Variants in PTPN23 observed in about 807,000 individuals in gnomAD.
The protein encoded by PTPN23 is protein tyrosine phosphatase non-receptor type 23, also known as tyrosine-protein phosphatase non-receptor type 23.
A neutral mutation model predicts 156.3 loss-of-function variants in PTPN23; 72 were observed. That is an observed-to-expected ratio of 0.46 (90% CI 0.38 to 0.56). The LOEUF (loss-of-function observed/expected upper bound fraction) is 0.56, where lower values mean the gene tolerates loss of function less well. PTPN23 is among the 20% of genes least tolerant of loss of function. The probability of loss-of-function intolerance (pLI) is 0.00; values close to 1 mark genes in which losing one functional copy is unlikely to be tolerated. For missense variants in PTPN23, 1,974 were observed against 2,171.5 expected (o/e 0.91, Z 1.81); for synonymous variants, 957 against 899.6 (o/e 1.06, Z -1.14).
chr3:47,400,839 G>A (rs560755639), intron 2 of PTPN23, among the ~76,000 whole-genome samples: 326 of 152,238 alleles, frequency 2.1e-3, no homozygotes, highest in African/African-American at 7.5e-3. Flanking sequence ...CTCCCAAAGT[G>A]CTGGGATTAT....
At position 47,411,829 on chromosome 3, in the gene PTPN23, T is replaced by A; in HGVS notation, c.3935T>A (p.Val1312Glu). Residue 1312 changes from valine to glutamate, a missense_variant, in exon 21 of 25, where the codon GTG becomes GAG. Val to Glu is a moderately radical substitution (Grantham distance 121). This residue lies in a region of PTPN23 where 484 missense variants were observed against 516.0 expected (regional missense o/e 0.94). Transcript: ENST00000265562. The surrounding 1 kb of genome is among the most constrained non-coding windows in gnomAD (Gnocchi z 6.3). Reference protein sequence around the residue: ...YFPTERGQPMVHGALSLALSS... With the variant: ...YFPTERGQPMEHGALSLALSS... The stretch of plus-strand genomic sequence containing the variant: ...CCCACCGAGAGGGGCCAGCCCATGG[T>A]GCACGGTGCCCTGAGCCTGGCATTG... 1 of 1,611,262 alleles carries A rather than the reference T, an allele frequency of 6.2e-7. No homozygotes were observed. Among genetic ancestry groups the A allele is most frequent in the Non-Finnish European group, 8.5e-7 (1 of 1,179,446 alleles).
At position 47,413,064 on chromosome 3, in the gene PTPN23, A is replaced by G; in HGVS notation, c.4790A>G (p.Lys1597Arg). 6.2e-7 allele frequency: 1 copy of G among 1,612,944 alleles called. No individual in the cohort carries two copies. The highest frequency in any genetic ancestry group is 8.5e-7 in the Non-Finnish European group (1 of 1,180,034). The change falls in exon 25 of 25, where the codon AAA (lysine) becomes AGA (arginine). Residue 1597 changes from lysine (K) to arginine (R), a missense_variant. This residue lies in a region of PTPN23 where 484 missense variants were observed against 516.0 expected (regional missense o/e 0.94). Coordinates refer to ENST00000265562, the MANE Select transcript of PTPN23 (RefSeq NM_015466.4). ...TCCCTGGACAGCTCCCTGCGGGGCA[A>G]ACAGCGGATGAGCAAGCATAACTTT... ...AFSLDSSLRG[K>R]QRMSKHNFLQ... is the part of the protein sequence containing the mutation.
chr3:47,407,415 T>A lies in PTPN23; in HGVS notation c.923+48T>A. The A allele has an allele frequency of 6.2e-6, 10 of 1,611,094 alleles. No individual in the cohort carries two copies. Among genetic ancestry groups the A allele is most frequent in the Non-Finnish European group, 8.5e-6 (10 of 1,177,598 alleles). ...GGTTCCCTCTTTTTGTGAAGGGTCT[T>A]GTCCCTCTGCTGGCATCTACATGGG... On this transcript the variant is annotated intron_variant, in intron 11 of 24. Coordinates refer to ENST00000265562, the MANE Select transcript of PTPN23 (RefSeq NM_015466.4). The surrounding 1 kb of genome is among the most constrained non-coding windows in gnomAD (Gnocchi z 4.0).
chr3:47,383,617 A>G (rs530312402), intron 1 of PTPN23, among the ~76,000 whole-genome samples: 1 of 152,326 alleles, frequency 6.6e-6, no homozygotes, highest in South Asian at 2.1e-4. Context: ...AGAGATGGTG[A>G]CCATAAATAT....
chr3:47,382,680 C>CTTTT (rs71098482), intron 1 of PTPN23, among the ~76,000 whole-genome samples: 28 of 58,648 alleles, frequency 4.8e-4, no homozygotes, highest in East Asian at 6.5e-4. Flanking sequence ...TTTTTCTTTT[C>CTTTT]TTTTTTTTTT....
At chr3:47,388,316 C>T (rs773813037) in intron 1 of PTPN23, among the ~76,000 whole-genome samples, 21 of 152,256 alleles carry the variant, frequency 1.4e-4, no homozygotes, top group Non-Finnish European at 2.9e-4. Context: ...TCAAGTGGTC[C>T]GTCCACCTCA....
At chr3:47,388,355 C>T (rs578076563) in intron 1 of PTPN23, among the ~76,000 whole-genome samples, 99 of 152,170 alleles carry the variant, frequency 6.5e-4, no homozygotes, top group African/African-American at 2.3e-3. Context: ...ACCACAGGCA[C>T]GCACCACTCT....
At position 47,413,172 on chromosome 3, in the gene PTPN23, TCAA is replaced by T. The variant is rs752943986; in HGVS notation, c.4902_4904del (p.Asn1634del). On this transcript the variant is annotated inframe_deletion, in exon 25 of 25. Transcript: ENST00000265562. ...AGCCTTCTGGATCCACTCTGGACACTCAACAAGACCTGAACAGGTTTTGCCTAC... is the reference window on the plus strand; with the variant it reads ...AGCCTTCTGGATCCACTCTGGACACTCAAGACCTGAACAGGTTTTGCCTAC... The T allele has an allele frequency of 4.3e-6, 7 of 1,611,256 alleles. No individual in the cohort carries two copies. Among genetic ancestry groups the T allele is most frequent in the South Asian group, 2.2e-5 (2 of 90,964 alleles).
At chr3:47,401,619 T>A (rs923574588) in intron 2 of PTPN23, among the ~76,000 whole-genome samples, 5 of 152,210 alleles carry the variant, frequency 3.3e-5, no homozygotes, top group Non-Finnish European at 7.3e-5. Context: ...ATGTGGCTCT[T>A]AATTTTAAAA....
At chr3:47,382,650 A>C (rs1704568116) in intron 1 of PTPN23, among the ~76,000 whole-genome samples, 1 of 141,766 alleles carries the variant, frequency 7.1e-6, no homozygotes, top group Non-Finnish European at 1.5e-5. Context: ...TTTCTAAGAC[A>C]CAACAGAACT....
rs749835507 is a variant in PTPN23 at position 47,411,632 on chromosome 3, T to C, written c.3834T>C (p.His1278=). The C allele has an allele frequency of 6.2e-7, 1 of 1,611,002 alleles. No individual in the cohort carries two copies. The highest frequency in any genetic ancestry group is 1.3e-5 in the African/African-American group (1 of 74,932). ...GTAADFWLMV[H]EQKVSVIVML... is the part of the protein sequence containing the mutation. ...CTGCTGACTTCTGGCTCATGGTCCA[T>C]GAGCAGAAAGTGTCAGTCATTGTCA... Residue 1278 remains histidine (H), a synonymous_variant, in exon 20 of 25, where the codon CAT becomes CAC. Transcript: ENST00000265562. The surrounding 1 kb of genome is among the most constrained non-coding windows in gnomAD (Gnocchi z 6.3).
chr3:47,403,067 T>C (rs575122196), intron 2 of PTPN23, among the ~76,000 whole-genome samples: 1 of 152,126 alleles, frequency 6.6e-6, no homozygotes, highest in African/African-American at 2.4e-5. Context: ...TTTTTTTTTT[T>C]TTTGAGACGG....
chr3:47,391,039 G>T (rs1704762917), intron 1 of PTPN23, among the ~76,000 whole-genome samples: 1 of 152,162 alleles, frequency 6.6e-6, no homozygotes, highest in Non-Finnish European at 1.5e-5. Context: ...GAGGCTAGAA[G>T]TTCCAGACCA....
At chr3:47,409,362 A>C in intron 17 of PTPN23, 45 bp downstream of exon 17, 2 of 1,613,158 alleles carry the variant, frequency 1.2e-6, no homozygotes, top group Non-Finnish European at 1.7e-6. Flanking sequence ...TCCGGGCCCC[A>C]CCCTTAGGAG....
chr3:47,403,466 G>A (rs1272214636), intron 2 of PTPN23, among the ~76,000 whole-genome samples: 5 of 151,930 alleles, frequency 3.3e-5, no homozygotes, highest in Non-Finnish European at 7.4e-5. Flanking sequence ...CTTGTGAGGC[G>A]CCTTGACATA....
At chr3:47,382,909 C>G (rs961146902) in intron 1 of PTPN23, among the ~76,000 whole-genome samples, 1 of 151,022 alleles carries the variant, frequency 6.6e-6, no homozygotes, top group Non-Finnish European at 1.5e-5. Flanking sequence ...AGGATAGTCT[C>G]GATCTCCCGA....
In PTPN23 at chr3:47,412,406, C is replaced by T. The variant is rs1357893771; in HGVS notation, c.4302C>T (p.His1434=). 1.2e-6 allele frequency: 2 copies of T among 1,613,064 alleles called. No individual in the cohort carries two copies. The highest frequency in any genetic ancestry group is 2.2e-5 in the East Asian group (1 of 44,886). ...GGCGCATGCGGCAGCAGAGAAAGCA[C>T]ATGCTGCAGGAGAAGGTGAGGATCT... The part of the protein sequence containing the change: ...LVRRMRQQRK[H]MLQEKLHLRF... The change falls in exon 23 of 25, where the codon CAC becomes CAT. Residue 1434 remains histidine, a synonymous_variant. Transcript: ENST00000265562.
Position 47,411,727 on chromosome 3 carries a change from TGGCAG to T in PTPN23, c.3889-48_3889-44del. 1.9e-6 allele frequency: 3 copies of T among 1,591,114 alleles called. No individual in the cohort carries two copies. Among genetic ancestry groups the T allele is most frequent in the Non-Finnish European group, 2.6e-6 (3 of 1,164,606 alleles). On this transcript the variant is annotated intron_variant, in intron 20 of 24. Transcript: ENST00000265562. This position sits in a 1 kb window ranked among gnomAD's most constrained non-coding sequence, Gnocchi z 6.3. ...GGGTGCCCACGAGGGCAGTGTGGGG[TGGCAG>T]GGCAGGGGATCCTGGAAAACCAGGT...
rs1241256308 is a variant in PTPN23 at position 47,411,755 on chromosome 3, G to GGTCTGTCTTGGCTT, written c.3889-27_3889-14dup. 1.3e-6 allele frequency: 2 copies of GGTCTGTCTTGGCTT among 1,594,270 alleles called. No individual in the cohort carries two copies. The highest frequency in any genetic ancestry group is 2.7e-5 in the African/African-American group (2 of 74,510). Reference sequence around the variant, plus strand: ...CAGGGCAGGGGATCCTGGAAAACCAGGTCTGTCTTGGCTTATCTGTCCCTC... The same window carrying GGTCTGTCTTGGCTT: ...CAGGGCAGGGGATCCTGGAAAACCAGGTCTGTCTTGGCTTGTCTGTCTTGGCTTATCTGTCCCTC... On this transcript the variant is annotated intron_variant, in intron 20 of 24. Transcript: ENST00000265562. This position sits in a 1 kb window ranked among gnomAD's most constrained non-coding sequence, Gnocchi z 6.3.
Sources: allele counts gnomAD v4.1 joint callset (sites outside exome capture counted in the v4.1 genomes callset), GRCh38; gene constraint gnomAD v4.1.1; regional missense constraint gnomAD v4.1.1; non-coding constraint Gnocchi (gnomAD v3.1); transcripts MANE v1.5; gene names NCBI Gene and HGNC (gene_info 2026-07-23, HGNC 2026-07-21).